Variants in KCNT2 observed in about 807,000 individuals in gnomAD.
The protein encoded by KCNT2 is potassium channel subfamily T member 2.
In KCNT2, 67 loss-of-function variants were observed where a neutral mutation model predicts 153.8. The observed-to-expected ratio is 0.44, with a 90% CI of 0.36 to 0.53. KCNT2 has a LOEUF of 0.53. Ranked by LOEUF, KCNT2 falls within the 20% of genes least tolerant of loss-of-function variation. The probability of loss-of-function intolerance (pLI) is 0.00; values close to 1 mark genes in which losing one functional copy is unlikely to be tolerated. For missense variants in KCNT2, 975 were observed against 1,354.8 expected (o/e 0.72, Z 4.40); for synonymous variants, 500 against 458.8 (o/e 1.09, Z -1.15).
chr1:196,341,337 A>T (rs1278346902), intron 15 of KCNT2, among the ~76,000 whole-genome samples: 2 of 152,018 alleles, frequency 1.3e-5, no homozygotes, highest in East Asian at 3.8e-4. Flanking sequence ...TTCTACTGAA[A>T]GTGAAAAATA....
At chr1:196,428,080 A>G in intron 10 of KCNT2, 25 bp downstream of exon 10, 1 of 1,585,020 alleles carries the variant, frequency 6.3e-7, no homozygotes, top group Non-Finnish European at 8.7e-7. Flanking sequence ...GATCCAGTAT[A>G]GCACATAATA....
In KCNT2 at chr1:196,451,222, T is replaced by A. The variant is rs1329971568; in HGVS notation, c.638+14071A>T. ...ATCCCTCTTAATCCCTCTTTCTTTT[T>A]TTTTTTTTTTTTTTTTTTTTTCCTT... is the stretch of plus-strand genomic sequence containing the variant. On this transcript the variant is annotated intron_variant, in intron 8 of 27. Coordinates refer to ENST00000294725, the MANE Select transcript of KCNT2 (RefSeq NM_198503.5). 2.5e-4 allele frequency among the ~76,000 whole-genome samples: 30 copies of A among 117,846 alleles called. 1 individual carries two copies. The highest frequency in any genetic ancestry group is 1.5e-3 in the African/African-American group (29 of 19,366). 77.3% of individuals were successfully genotyped at this position (117,846 alleles called of 152,430 possible).
Position 196,414,902 on chromosome 1 carries a change from T to C in KCNT2, c.1185+8148A>G, listed in dbSNP as rs570955894. Among the ~76,000 whole-genome samples, 3 of 152,044 alleles carry C rather than the reference T, an allele frequency of 2.0e-5. No individual in the cohort carries two copies. The East Asian group carries it at 5.8e-4, about 30-fold the overall frequency. ...TCTGGCCCTCCCAAGACACTGGCTG[T>C]GTACTGGAAGCACATAAAATGACAG... On this transcript the variant is annotated intron_variant, in intron 12 of 27. Coordinates refer to ENST00000294725, the MANE Select transcript of KCNT2 (RefSeq NM_198503.5).
chr1:196,554,277 A>G (rs1446093812), intron 1 of KCNT2, among the ~76,000 whole-genome samples: 1 of 151,226 alleles, frequency 6.6e-6, no homozygotes, highest in African/African-American at 2.4e-5. Flanking sequence ...ACTAAGAAAA[A>G]AGAGAGAAAA....
rs902744019 is a variant in KCNT2, at chr1:196,607,530, T to TA, written c.95+684dup. The stretch of plus-strand genomic sequence containing the variant: ...TTTGAGACATATATTCTGTTTCAGT[T>TA]AAAAAAATATACTAGTTATGAAAAG... On this transcript the variant is annotated intron_variant, in intron 1 of 27. Coordinates refer to ENST00000294725, the MANE Select transcript of KCNT2 (RefSeq NM_198503.5). Among the ~76,000 whole-genome samples, 21 of 151,192 alleles carry TA rather than the reference T, an allele frequency of 1.4e-4. 2 individuals are homozygous for TA. Among genetic ancestry groups the TA allele is most frequent in the African/African-American group, 5.1e-4 (21 of 41,534 alleles).
chr1:196,338,948 CAA>C (rs976388530), intron 16 of KCNT2, among the ~76,000 whole-genome samples: 25 of 37,730 alleles, frequency 6.6e-4, no homozygotes, highest in East Asian at 1.3e-3. Flanking sequence ...TGCTTTTTAG[CAA>C]AAAAAAAAAA....
intron 1 of KCNT2, among the ~76,000 whole-genome samples, chr1:196,527,574 T>C (rs1474674645): frequency 6.6e-6 from 1 of 152,204 alleles, no homozygotes; most frequent in African/African-American, 2.4e-5. Context: ...CTTAAATTTC[T>C]TTCATGGGGA....
chr1:196,348,176 C>A (rs1177864112), intron 14 of KCNT2, among the ~76,000 whole-genome samples: 1 of 150,742 alleles, frequency 6.6e-6, no homozygotes, highest in African/African-American at 2.5e-5. Context: ...TAATGAATTA[C>A]TTTCTCTATG....
Position 196,334,188 on chromosome 1 carries a change from C to T in KCNT2, c.1784-128G>A, listed in dbSNP as rs573916595. On this transcript the variant is annotated intron_variant, in intron 16 of 27. Transcript: ENST00000294725. ...TATATAGAGAGAGTATATATTTATG[C>T]GTGTGGTGTATAAGTTTAGTTCTGA... is the stretch of plus-strand genomic sequence containing the variant. The T allele has an allele frequency of 4.3e-5, 26 of 606,920 alleles. 1 individual carries two copies. The highest frequency in any genetic ancestry group is 3.6e-4 in the South Asian group (16 of 44,874). 37.6% of individuals were successfully genotyped at this position (606,920 alleles called of 1,614,324 possible).
In KCNT2 at chr1:196,511,116, AACACACACACACACACACACAC is replaced by A. The variant is rs35177032; in HGVS notation, c.96-18797_96-18776del. Among the ~76,000 whole-genome samples the A allele has an allele frequency of 4.1e-5, 6 of 146,572 alleles. No individual in the cohort carries two copies. In the East Asian group the frequency reaches 1.2e-3, roughly 30 times the overall value. On this transcript the variant is annotated intron_variant, in intron 1 of 27. Coordinates refer to ENST00000294725, the MANE Select transcript of KCNT2 (RefSeq NM_198503.5). ...TTATTACACATACGTAAACACACAC[AACACACACACACACACACACAC>A]ACACACACACACACACACAACTTTT...
At chr1:196,300,367 C>T (rs1661070820) in intron 22 of KCNT2, among the ~76,000 whole-genome samples, 1 of 152,154 alleles carries the variant, frequency 6.6e-6, no homozygotes, top group Non-Finnish European at 1.5e-5. Context: ...TCAGGACATG[C>T]TACTCCAAAA....
chr1:196,305,507 A>G (rs1661547873), intron 21 of KCNT2, among the ~76,000 whole-genome samples, 162 bp from the exon 22 acceptor site: 1 of 152,186 alleles, frequency 6.6e-6, no homozygotes, highest in South Asian at 2.1e-4. Context: ...TGCAGGAAAA[A>G]TGAAACACTA....
intron 12 of KCNT2, among the ~76,000 whole-genome samples, chr1:196,416,163 T>C (rs954629534): frequency 6.6e-6 from 1 of 151,978 alleles, no homozygotes; most frequent in Non-Finnish European, 1.5e-5. Flanking sequence ...GTCTCAGTTA[T>C]CACATTGGCT....
chr1:196,272,202 G>A (rs1000147355), intron 25 of KCNT2, among the ~76,000 whole-genome samples: 15 of 151,826 alleles, frequency 9.9e-5, no homozygotes, highest in African/African-American at 3.4e-4. Context: ...TCCAGGAATG[G>A]GACAAGAGGA....
At chr1:196,261,019 ATGTGTGTGTGTGTT>A (rs559900687) in intron 25 of KCNT2, among the ~76,000 whole-genome samples, 25 of 151,642 alleles carry the variant, frequency 1.6e-4, no homozygotes, top group East Asian at 7.7e-4. Flanking sequence ...TGGATATTGA[ATGTGTGTGTGTGTT>A]TGTGTGTGTG....
intron 13 of KCNT2, among the ~76,000 whole-genome samples, chr1:196,376,771 C>A (rs1231888781): frequency 6.6e-6 from 1 of 151,960 alleles, no homozygotes; most frequent in African/African-American, 2.4e-5. Context: ...AACAAGCTTG[C>A]AGCACCATTC....
At chr1:196,315,084 C>T (rs1312107451) in intron 21 of KCNT2, among the ~76,000 whole-genome samples, 2 of 151,586 alleles carry the variant, frequency 1.3e-5, no homozygotes, top group Non-Finnish European at 3.0e-5. Context: ...ATATGCTTTA[C>T]TACAATATGA....
chr1:196,414,924 A>G (rs1049798985), intron 12 of KCNT2, among the ~76,000 whole-genome samples: 1 of 151,952 alleles, frequency 6.6e-6, no homozygotes, highest in African/African-American at 2.4e-5. Flanking sequence ...ACATAAAATG[A>G]CAGTGACACT....
chr1:196,435,876 C>A (rs1234651372), intron 8 of KCNT2, among the ~76,000 whole-genome samples: 1 of 151,598 alleles, frequency 6.6e-6, no homozygotes, highest in Non-Finnish European at 1.5e-5. Flanking sequence ...TGTAAAAAGT[C>A]ACCTCCTCAA....
Sources: allele counts gnomAD v4.1 joint callset (sites outside exome capture counted in the v4.1 genomes callset), GRCh38; gene constraint gnomAD v4.1.1; transcripts MANE v1.5; gene names NCBI Gene and HGNC (gene_info 2026-07-23, HGNC 2026-07-21).